CFLAR: variants seen among roughly 807,000 people sequenced by gnomAD.
CFLAR encodes CASP8 and FADD-like apoptosis regulator.
A neutral mutation model predicts 51.1 loss-of-function variants in CFLAR; 14 were observed. The ratio of observed to expected loss-of-function variants is 0.27; its 90% CI spans 0.18 to 0.43. The LOEUF is 0.43. Ranked by LOEUF, CFLAR falls within the 20% of genes least tolerant of loss-of-function variation. CFLAR has a pLI of 1.00. For synonymous variants in CFLAR, 210 were observed against 211.6 expected, an observed-to-expected ratio of 0.99 and a Z score of 0.06; for missense variants, 390 against 566.5, an observed-to-expected ratio of 0.69 and a Z score of 3.16.
intron 8 of CFLAR, chr2:201,154,668 C>T (rs978832102): frequency 4.6e-5 from 7 of 152,222 alleles, no homozygotes; most frequent in African/African-American, 1.7e-4. Context: ...TTCTAAAAGC[C>T]ATTCCTTTTT....
rs563578944 is a variant in CFLAR, at chr2:201,128,277, G to T, written c.-137-1452G>T. Among the ~76,000 whole-genome samples, 65 of 152,228 alleles carry T rather than the reference G, an allele frequency of 4.3e-4. 1 individual carries two copies. In the South Asian group the frequency reaches 0.013, roughly 30 times the overall value. The stretch of plus-strand genomic sequence containing the variant: ...TGAGATTAAAGCACTGTTGGCCTGC[G>T]AGTGGAGTATAGATTTGGGCTGTCC... On this transcript the variant is annotated intron_variant, in intron 1 of 9. Coordinates refer to ENST00000309955, the MANE Select transcript of CFLAR (RefSeq NM_003879.7).
At position 201,166,256 on chromosome 2, in the gene CFLAR, G is replaced by C. The variant is rs1943547568; in HGVS notation, c.*2283G>C. 1.4e-5 allele frequency: 2 copies of C among 144,116 alleles called. No homozygotes were observed. The highest frequency in any genetic ancestry group is 5.3e-5 in the African/African-American group (2 of 37,964). The allele number at this position is 144,116 out of a possible 1,614,324, so 8.9% of individuals were successfully genotyped here. Reference sequence around the variant, plus strand: ...CCCGACGGGGCGGCTGGCCGGGCGGGGGCTGACCCCCACGCCTCCCTCCCG... The same window carrying C: ...CCCGACGGGGCGGCTGGCCGGGCGGCGGCTGACCCCCACGCCTCCCTCCCG... On this transcript the variant is annotated 3_prime_UTR_variant, in exon 10 of 10. Coordinates refer to ENST00000309955, the MANE Select transcript of CFLAR (RefSeq NM_003879.7).
intron 1 of CFLAR, among the ~76,000 whole-genome samples, chr2:201,122,083 G>A (rs945541438): frequency 6.6e-6 from 1 of 152,218 alleles, no homozygotes; most frequent in African/African-American, 2.4e-5. Flanking sequence ...TATTGCTGAA[G>A]CATTAAAATC....
chr2:201,138,225 A>C lies in CFLAR; in HGVS notation c.523+2118A>C. 1.1e-6 allele frequency: 1 copy of C among 940,332 alleles called. No homozygotes were observed. The highest frequency in any genetic ancestry group is 1.8e-6 in the Non-Finnish European group (1 of 570,048). 58.2% of individuals were successfully genotyped at this position (940,332 alleles called of 1,614,324 possible). ...TGCACCATGGCGATCTGATACACCG[A>C]GTTCCCTTGGGACGAGTCCAAGCCT... is the stretch of plus-strand genomic sequence containing the variant. On this transcript the variant is annotated intron_variant, in intron 4 of 9. Transcript: ENST00000309955. This position sits in a 1 kb window ranked among gnomAD's most constrained non-coding sequence, Gnocchi z 4.0.
At chr2:201,135,171 C>T (rs2049934976) in intron 3 of CFLAR, among the ~76,000 whole-genome samples, 1 of 152,090 alleles carries the variant, frequency 6.6e-6, no homozygotes, top group Non-Finnish European at 1.5e-5. Context: ...TTTTATAATC[C>T]CCTGAGTCAG....
rs2048499617 is a variant in CFLAR, at chr2:201,124,561, C to G, written c.-137-5168C>G. ...TGTTGGCCAGGCTGGTCTTGAACTC[C>G]TTGCCTCAAGTGATCCGCCCGCCTT... On this transcript the variant is annotated intron_variant, in intron 1 of 9. Coordinates refer to ENST00000309955, the MANE Select transcript of CFLAR (RefSeq NM_003879.7). The surrounding 1 kb of genome is among the most constrained non-coding windows in gnomAD (Gnocchi z 4.7). Among the ~76,000 whole-genome samples, 1 of 152,156 alleles carries G rather than the reference C, an allele frequency of 6.6e-6. No individual in the cohort carries two copies. Among genetic ancestry groups the G allele is most frequent in the African/African-American group, 2.4e-5 (1 of 41,424 alleles).
In CFLAR at chr2:201,124,955, G is replaced by A. The variant is rs1013976555; in HGVS notation, c.-137-4774G>A. Among the ~76,000 whole-genome samples, 1 of 152,166 alleles carries A rather than the reference G, an allele frequency of 6.6e-6. No homozygotes were observed. The highest frequency in any genetic ancestry group is 2.4e-5 in the African/African-American group (1 of 41,434). On this transcript the variant is annotated intron_variant, in intron 1 of 9. Coordinates refer to ENST00000309955, the MANE Select transcript of CFLAR (RefSeq NM_003879.7). This position sits in a 1 kb window ranked among gnomAD's most constrained non-coding sequence, Gnocchi z 4.7. ...AAGTTTTTGGATGTGGCAACCAGGAGGTCACCAGGGCCTCAACAAGAGCTG... is the reference window on the plus strand; with the variant it reads ...AAGTTTTTGGATGTGGCAACCAGGAAGTCACCAGGGCCTCAACAAGAGCTG...
At chr2:201,153,641 CG>C (rs1411941977) in intron 8 of CFLAR, 1 of 151,938 alleles carries the variant, frequency 6.6e-6, no homozygotes, top group Non-Finnish European at 1.5e-5. Flanking sequence ...AATGAACAAG[CG>C]GGTAAGGTAA....
Position 201,149,734 on chromosome 2 carries a change from T to C in CFLAR, c.712-20T>C, listed in dbSNP as rs751213859. ...AGAGCAATATCCAGAGTCTTTAGCA[T>C]TTCTTGTCTTCCTTTCCAGAGCATA... is the stretch of plus-strand genomic sequence containing the variant. On this transcript the variant is annotated intron_variant, in intron 7 of 9. Transcript: ENST00000309955. 6.3e-7 allele frequency: 1 copy of C among 1,588,636 alleles called. No homozygotes were observed. The highest frequency in any genetic ancestry group is 8.6e-7 in the Non-Finnish European group (1 of 1,157,156).
rs1944117823 is a variant in CFLAR, at chr2:201,173,670, T to C, written c.*9697T>C. ...AGTCCTTTCTCATTTTAAAACTGCGTTATTTTATTTTATTTTTCTGAGATG... is the reference window on the plus strand; with the variant it reads ...AGTCCTTTCTCATTTTAAAACTGCGCTATTTTATTTTATTTTTCTGAGATG... On this transcript the variant is annotated 3_prime_UTR_variant, in exon 10 of 10. Coordinates refer to ENST00000309955, the MANE Select transcript of CFLAR (RefSeq NM_003879.7). The C allele has an allele frequency of 1.4e-5, 2 of 140,366 alleles. No homozygotes were observed. Among genetic ancestry groups the C allele is most frequent in the African/African-American group, 6.5e-5 (2 of 30,638 alleles). 8.7% of individuals were successfully genotyped at this position (140,366 alleles called of 1,614,324 possible). A position where few individuals can be genotyped will look rare whatever the true frequency, so the allele number is the denominator to read the frequency against.
At chr2:201,140,590 A>G (rs2125771169) in intron 5 of CFLAR, 151 bp downstream of exon 5, 7 of 585,948 alleles carry the variant, frequency 1.2e-5, no homozygotes, top group Non-Finnish European at 2.1e-5. Flanking sequence ...GTAACTTCTT[A>G]TATTTCAAAG....
chr2:201,174,412 A>G lies in CFLAR; in HGVS notation c.*10439A>G, dbSNP rs922166415. ...ATTTTATACTTATCACAAATCAACT[A>G]ACTATAAGGGTTTATTTCTGGACTC... On this transcript the variant is annotated 3_prime_UTR_variant, in exon 10 of 10. Coordinates refer to ENST00000309955, the MANE Select transcript of CFLAR (RefSeq NM_003879.7). 6.6e-6 allele frequency: 1 copy of G among 152,200 alleles called. No individual in the cohort carries two copies. Among genetic ancestry groups the G allele is most frequent in the African/African-American group, 2.4e-5 (1 of 41,448 alleles). The allele number at this position is 152,200 out of a possible 1,614,324, so 9.4% of individuals were successfully genotyped here.
intron 4 of CFLAR, chr2:201,137,412 C>T: frequency 4.7e-6 from 2 of 426,578 alleles, no homozygotes; most frequent in Non-Finnish European, 8.8e-6. Flanking sequence ...AGCTGGGGAA[C>T]CCATAGTGCA....
intron 5 of CFLAR, chr2:201,144,406 C>A (rs554263674): frequency 6.6e-6 from 1 of 152,318 alleles, no homozygotes; most frequent in African/African-American, 2.4e-5. Context: ...GAATCAGGAC[C>A]ATATGTTGCT....
At chr2:201,162,558 G>A (rs78631156) in intron 9 of CFLAR, 92 of 191,712 alleles carry the variant, frequency 4.8e-4, no homozygotes, top group African/African-American at 2.1e-3. Context: ...TTCTCTGAAG[G>A]TATCTGCTGC....
At chr2:201,161,738 CTTTTTTT>C (rs3044256) in intron 9 of CFLAR, among the ~76,000 whole-genome samples, 12 of 101,270 alleles carry the variant, frequency 1.2e-4, no homozygotes, top group African/African-American at 4.4e-4. Context: ...TTTAATTTTT[CTTTTTTT>C]TTTTTTTTTT....
At position 201,138,909 on chromosome 2, in the gene CFLAR, C is replaced by G. The variant is rs1237861796; in HGVS notation, c.524-1448C>G. 1 of 667,450 alleles carries G rather than the reference C, an allele frequency of 1.5e-6. No homozygotes were observed. Among genetic ancestry groups the G allele is most frequent in the Non-Finnish European group, 2.8e-6 (1 of 355,290 alleles). The allele number at this position is 667,450 out of a possible 1,614,324, so 41.3% of individuals were successfully genotyped here. ...CATTGGGTCAGGGCTGAGGTCAGGT[C>G]CACCTCATCAGCTATGAAGTCTATG... On this transcript the variant is annotated intron_variant, in intron 4 of 9. Coordinates refer to ENST00000309955, the MANE Select transcript of CFLAR (RefSeq NM_003879.7). This position sits in a 1 kb window ranked among gnomAD's most constrained non-coding sequence, Gnocchi z 4.0.
chr2:201,130,529 T>A (rs765114548), intron 2 of CFLAR, among the ~76,000 whole-genome samples: 286 of 150,878 alleles, frequency 1.9e-3, no homozygotes, highest in Non-Finnish European at 3.1e-3. Flanking sequence ...GCCTGGCTAA[T>A]TTTTTTTTGT....
chr2:201,148,887 A>G, intron 6 of CFLAR, 116 bp from the exon 7 acceptor site: 2 of 711,478 alleles, frequency 2.8e-6, no homozygotes, highest in Non-Finnish European at 5.1e-6. Context: ...GAAAGAAGAG[A>G]TAATTGAAGA....
Sources: gnomAD v4.1 joint callset for allele counts (sites outside exome capture counted in the v4.1 genomes callset) on GRCh38, gnomAD v4.1.1 for gene constraint, Gnocchi (gnomAD v3.1) non-coding constraint, MANE v1.5 for transcripts, NCBI Gene and HGNC (gene_info 2026-07-23, HGNC 2026-07-21) for gene names.